MUSK: variants seen among roughly 807,000 people sequenced by gnomAD.
The protein encoded by MUSK is muscle, skeletal receptor tyrosine-protein kinase.
Under a neutral mutation model 88.7 loss-of-function variants are expected in MUSK, and 55 were observed. The observed-to-expected ratio is 0.62, with a 90% CI of 0.50 to 0.78. The LOEUF is 0.78. Among genes scored for constraint, MUSK ranks in the 30% least tolerant of loss-of-function variants. The pLI, the probability that MUSK is intolerant of heterozygous loss-of-function variation, is 0.00. For missense variants in MUSK, 1,015 were observed against 1,074.3 expected (o/e 0.94, Z 0.77); for synonymous variants, 387 against 391.9 (o/e 0.99, Z 0.15).
At chr9:110,750,024 C>T (rs911642900) in intron 7 of MUSK, among the ~76,000 whole-genome samples, 21 of 151,790 alleles carry the variant, frequency 1.4e-4, no homozygotes, top group African/African-American at 4.6e-4. Context: ...TTATAAAAAT[C>T]TATCAATATA....
chr9:110,710,775 G>A (rs577699849), intron 5 of MUSK, among the ~76,000 whole-genome samples: 9 of 151,830 alleles, frequency 5.9e-5, no homozygotes, highest in African/African-American at 1.7e-4. Context: ...GGCGGCCTTC[G>A]TGTGTATCCT....
At chr9:110,771,786 G>T (rs1196942405) in intron 9 of MUSK, among the ~76,000 whole-genome samples, 2 of 152,154 alleles carry the variant, frequency 1.3e-5, no homozygotes, top group African/African-American at 4.8e-5. Flanking sequence ...AAAAAAGTCA[G>T]ATACCAGCTT....
chr9:110,754,583 T>G (rs1212872863), intron 7 of MUSK, among the ~76,000 whole-genome samples: 1 of 152,226 alleles, frequency 6.6e-6, no homozygotes, highest in African/African-American at 2.4e-5. Flanking sequence ...TTGCATTGGC[T>G]TATCTCCATG....
chr9:110,689,674 T>TAA (rs1554735342), intron 3 of MUSK, among the ~76,000 whole-genome samples: 6 of 72,374 alleles, frequency 8.3e-5, no homozygotes, highest in African/African-American at 3.9e-4. Flanking sequence ...CATAGTATAT[T>TAA]ATATATAACT....
At chr9:110,675,851 G>A (rs1394244074) in intron 1 of MUSK, among the ~76,000 whole-genome samples, 1 of 152,012 alleles carries the variant, frequency 6.6e-6, no homozygotes, top group Non-Finnish European at 1.5e-5. Context: ...GTGAGCCACC[G>A]CACCTGGCCT....
chr9:110,790,239 G>A (rs1328839244), intron 14 of MUSK, among the ~76,000 whole-genome samples: 1 of 152,094 alleles, frequency 6.6e-6, no homozygotes, highest in Non-Finnish European at 1.5e-5. Flanking sequence ...TGGTAACCCC[G>A]AGAAGAGAGG....
In MUSK at chr9:110,803,131, CAGACATAGA is replaced by C. The variant is rs2078118400; in HGVS notation, c.*2146_*2154del. ...GCTGATAAAGTTTTGTTGTAAAAGA[CAGACATAGA>C]AGTCAGGCTGACAGAAAATAGAGTA... On this transcript the variant is annotated 3_prime_UTR_variant, in exon 15 of 15. Coordinates refer to ENST00000374448, the MANE Select transcript of MUSK (RefSeq NM_005592.4). Among the ~76,000 whole-genome samples the C allele has an allele frequency of 2.0e-5, 3 of 152,268 alleles. No individual in the cohort carries two copies. Among genetic ancestry groups the C allele is most frequent in the Admixed American group, 2.0e-4 (3 of 15,296 alleles).
chr9:110,760,638 G>A (rs889808819), intron 7 of MUSK, among the ~76,000 whole-genome samples: 4 of 151,732 alleles, frequency 2.6e-5, no homozygotes, highest in African/African-American at 9.7e-5. Flanking sequence ...GTTAGTACGC[G>A]GGTGATGAAA....
intron 5 of MUSK, chr9:110,728,644 C>T (rs984527637): frequency 6.3e-6 from 8 of 1,260,750 alleles, no homozygotes; most frequent in Admixed American, 1.8e-5. Context: ...GTTTTGTTTG[C>T]GTGTTTATTG....
At chr9:110,755,951 C>CGTATATATATATATGTATATATAT (rs1269355799) in intron 7 of MUSK, among the ~76,000 whole-genome samples, 1 of 101,792 alleles carries the variant, frequency 9.8e-6, no homozygotes, top group African/African-American at 4.3e-5. Flanking sequence ...TATATATATA[C>CGTATATATATATATGTATATATAT]ACATATATAT....
intron 5 of MUSK, among the ~76,000 whole-genome samples, chr9:110,706,697 C>A (rs2076603585): frequency 6.6e-6 from 1 of 152,042 alleles, no homozygotes; most frequent in Non-Finnish European, 1.5e-5. Flanking sequence ...GTGGCATATG[C>A]CCCCTTTAAA....
chr9:110,740,388 C>T (rs984646006), intron 6 of MUSK, among the ~76,000 whole-genome samples: 2 of 152,162 alleles, frequency 1.3e-5, no homozygotes, highest in African/African-American at 4.8e-5. Flanking sequence ...CCTGTATTCT[C>T]ACAGGGCTTT....
intron 7 of MUSK, among the ~76,000 whole-genome samples, chr9:110,758,138 AT>A (rs1431639440): frequency 2.0e-5 from 3 of 151,868 alleles, no homozygotes; most frequent in Non-Finnish European, 2.9e-5. Flanking sequence ...TAATTTTTGT[AT>A]TTTTTGTAAA....
At chr9:110,670,990 T>C (rs1442156533) in intron 1 of MUSK, among the ~76,000 whole-genome samples, 2 of 151,844 alleles carry the variant, frequency 1.3e-5, no homozygotes, top group Admixed American at 1.3e-4. Context: ...TATTATTATT[T>C]GAGACAGAGT....
rs1250555996 is a variant in MUSK, at chr9:110,701,660, T to C, written c.628+4194T>C. The stretch of plus-strand genomic sequence containing the variant: ...CACTACTGTGCTCAGCTATTTATTT[T>C]ATTTATTTTATTTTATTTTTTTTAC... On this transcript the variant is annotated intron_variant, in intron 5 of 14. Transcript: ENST00000374448. 2.1e-4 allele frequency among the ~76,000 whole-genome samples: 7 copies of C among 32,838 alleles called. 2 individuals are homozygous for C. The highest frequency in any genetic ancestry group is 3.8e-4 in the Non-Finnish European group (7 of 18,290). 21.5% of individuals were successfully genotyped at this position (32,838 alleles called of 152,430 possible).
intron 14 of MUSK, among the ~76,000 whole-genome samples, chr9:110,799,229 C>T (rs1388558436): frequency 6.6e-6 from 1 of 152,008 alleles, no homozygotes; most frequent in Non-Finnish European, 1.5e-5. Context: ...CTTTTTCAAA[C>T]AGATACTTTT....
At chr9:110,761,390 C>T (rs982783389) in intron 7 of MUSK, among the ~76,000 whole-genome samples, 1 of 152,048 alleles carries the variant, frequency 6.6e-6, no homozygotes, top group African/African-American at 2.4e-5. Flanking sequence ...AGTGCAGATG[C>T]CATGCAGCTA....
chr9:110,670,856 A>C (rs1273795701), intron 1 of MUSK, among the ~76,000 whole-genome samples: 7 of 152,184 alleles, frequency 4.6e-5, no homozygotes, highest in Non-Finnish European at 1.0e-4. Context: ...TATTTACTAC[A>C]TACAGCAGTT....
At chr9:110,733,176 A>G (rs1175414508) in intron 5 of MUSK, among the ~76,000 whole-genome samples, 1 of 152,152 alleles carries the variant, frequency 6.6e-6, no homozygotes, top group African/African-American at 2.4e-5. Flanking sequence ...GGAGCATAAA[A>G]TATACTTACA....
Sources: gnomAD v4.1 joint callset for allele counts (sites outside exome capture counted in the v4.1 genomes callset) on GRCh38, gnomAD v4.1.1 for gene constraint, MANE v1.5 for transcripts, NCBI Gene and HGNC (gene_info 2026-07-23, HGNC 2026-07-21) for gene names.